The following LHFPL3 variants were observed in gnomAD, a reference collection of about 807,000 sequenced individuals.
LHFPL3 encodes LHFPL tetraspan subfamily member 3 protein.
A neutral mutation model predicts 19.3 loss-of-function variants in LHFPL3; 5 were observed. That is an observed-to-expected ratio of 0.26 (90% CI 0.14 to 0.54). The LOEUF (loss-of-function observed/expected upper bound fraction) is 0.54, where lower values mean the gene tolerates loss of function less well. Among genes scored for constraint, LHFPL3 ranks in the 20% least tolerant of loss-of-function variants. LHFPL3 has a pLI of 0.94. For synonymous variants in LHFPL3, 133 were observed against 126.2 expected (o/e 1.05, Z -0.36); for missense variants, 249 against 307.4 (o/e 0.81, Z 1.42).
intron 1 of LHFPL3, among the ~76,000 whole-genome samples, chr7:104,523,797 T>G (rs1400756206): frequency 6.6e-6 from 1 of 152,166 alleles, no homozygotes; most frequent in Middle Eastern, 3.2e-3. Context: ...TCCTTTTGAT[T>G]TAGTAATAGA....
intron 2 of LHFPL3, among the ~76,000 whole-genome samples, chr7:104,793,161 G>A (rs2116452660): frequency 6.6e-6 from 1 of 152,296 alleles, no homozygotes; most frequent in Middle Eastern, 3.4e-3. Context: ...CTCCCAAAGT[G>A]ATGGGATTAC....
intron 1 of LHFPL3, among the ~76,000 whole-genome samples, chr7:104,651,699 T>C (rs1792036795): frequency 1.3e-5 from 2 of 152,228 alleles, no homozygotes; most frequent in African/African-American, 2.4e-5. Flanking sequence ...TAGTGATACA[T>C]TTCTAGTGGC....
intron 2 of LHFPL3, among the ~76,000 whole-genome samples, chr7:104,824,748 CAT>C (rs1324470771): frequency 5.9e-5 from 4 of 68,330 alleles, no homozygotes; most frequent in African/African-American, 2.0e-4. Context: ...AAGTCTTACT[CAT>C]ATATTATATA....
chr7:104,588,618 A>G (rs1790636742), intron 1 of LHFPL3, among the ~76,000 whole-genome samples: 1 of 152,136 alleles, frequency 6.6e-6, no homozygotes, highest in Non-Finnish European at 1.5e-5. Context: ...TTGGTTCCAT[A>G]TGAACTTTAA....
At chr7:104,765,086 A>G (rs1210658646) in intron 2 of LHFPL3, among the ~76,000 whole-genome samples, 3 of 152,256 alleles carry the variant, frequency 2.0e-5, no homozygotes, top group African/African-American at 7.2e-5. Flanking sequence ...GTGTTCTAAA[A>G]GAAGCAAACA....
chr7:104,825,809 G>T (rs1011106902), intron 2 of LHFPL3, among the ~76,000 whole-genome samples: 1 of 151,822 alleles, frequency 6.6e-6, no homozygotes, highest in Admixed American at 6.6e-5. Context: ...ACAAAAAGAA[G>T]GAAGAAGAGG....
chr7:104,514,486 C>T (rs747474863), intron 1 of LHFPL3, among the ~76,000 whole-genome samples: 2 of 152,242 alleles, frequency 1.3e-5, no homozygotes, highest in Non-Finnish European at 2.9e-5. Context: ...ATTGTAGGTG[C>T]TCAATAAATA....
At chr7:104,621,120 T>A (rs1456478489) in intron 1 of LHFPL3, among the ~76,000 whole-genome samples, 3 of 152,126 alleles carry the variant, frequency 2.0e-5, no homozygotes, top group Middle Eastern at 3.2e-3. Flanking sequence ...TCTGAACCCA[T>A]CCCCAGATCT....
intron 1 of LHFPL3, among the ~76,000 whole-genome samples, chr7:104,561,547 C>G (rs1790003850): frequency 1.3e-5 from 2 of 151,762 alleles, no homozygotes; most frequent in African/African-American, 2.4e-5. Flanking sequence ...AGATCTTCCT[C>G]CATCCTTTTA....
chr7:104,583,305 T>C (rs1054741385), intron 1 of LHFPL3, among the ~76,000 whole-genome samples: 6 of 152,130 alleles, frequency 3.9e-5, no homozygotes, highest in Non-Finnish European at 8.8e-5. Context: ...TATACAAAAA[T>C]TAATTCAAGA....
chr7:104,721,704 A>G (rs1199311378), intron 1 of LHFPL3, among the ~76,000 whole-genome samples: 1 of 152,128 alleles, frequency 6.6e-6, no homozygotes, highest in East Asian at 1.9e-4. Context: ...TTCCACTGCC[A>G]TGGAAAGGAA....
chr7:104,873,587 C>T (rs1010664370), intron 2 of LHFPL3, among the ~76,000 whole-genome samples: 3 of 152,188 alleles, frequency 2.0e-5, no homozygotes, highest in East Asian at 3.9e-4. Flanking sequence ...ACGATCACGT[C>T]GCTGCACTCC....
At chr7:104,785,022 G>A (rs900099719) in intron 2 of LHFPL3, among the ~76,000 whole-genome samples, 1 of 152,172 alleles carries the variant, frequency 6.6e-6, no homozygotes, top group African/African-American at 2.4e-5. Flanking sequence ...TAATGCTGTG[G>A]AAGTATATAC....
intron 1 of LHFPL3, among the ~76,000 whole-genome samples, chr7:104,468,249 C>T (rs967105465): frequency 1.3e-5 from 2 of 152,182 alleles, no homozygotes; most frequent in African/African-American, 4.8e-5. Flanking sequence ...TTACTGAGGT[C>T]ATAACAACTT....
chr7:104,772,625 A>C (rs1794573811), intron 2 of LHFPL3, among the ~76,000 whole-genome samples: 1 of 152,254 alleles, frequency 6.6e-6, no homozygotes, highest in Admixed American at 6.5e-5. Context: ...AGTGAATGGA[A>C]ACATCACACA....
At position 104,535,439 on chromosome 7, in the gene LHFPL3, G is replaced by C. The variant is rs146463252; in HGVS notation, c.446-201236G>C. Reference sequence around the variant, plus strand: ...ATTTGATTCTGTGCATGCCCACATAGGAGCTGGAAAAATATTCATTAAGTT... The same window carrying C: ...ATTTGATTCTGTGCATGCCCACATACGAGCTGGAAAAATATTCATTAAGTT... On this transcript the variant is annotated intron_variant, in intron 1 of 2. Coordinates refer to ENST00000424859, the MANE Select transcript of LHFPL3 (RefSeq NM_199000.3). Among the ~76,000 whole-genome samples the C allele has an allele frequency of 2.0e-3, 311 of 152,250 alleles. 1 individual carries two copies. Among genetic ancestry groups the C allele is most frequent in the African/African-American group, 7.1e-3 (294 of 41,558 alleles).
intron 1 of LHFPL3, among the ~76,000 whole-genome samples, chr7:104,382,748 G>C (rs1373459773): frequency 1.3e-5 from 2 of 152,172 alleles, no homozygotes; most frequent in East Asian, 1.9e-4. Flanking sequence ...CTCTATTAAT[G>C]ATCTTATTAT....
chr7:104,645,199 A>G (rs1791909763), intron 1 of LHFPL3, among the ~76,000 whole-genome samples: 1 of 152,214 alleles, frequency 6.6e-6, no homozygotes. Flanking sequence ...GGTTATGGCT[A>G]ATGAGGCTGG....
chr7:104,472,272 G>C (rs1026851007), intron 1 of LHFPL3, among the ~76,000 whole-genome samples: 1 of 151,736 alleles, frequency 6.6e-6, no homozygotes, highest in South Asian at 2.1e-4. Context: ...TCATGCCACC[G>C]ATGAGTTTTC....
Sources: allele counts gnomAD v4.1 joint callset (sites outside exome capture counted in the v4.1 genomes callset), GRCh38; gene constraint gnomAD v4.1.1; transcripts MANE v1.5; gene names NCBI Gene and HGNC (gene_info 2026-07-23, HGNC 2026-07-21).